TXNL1: variants seen among roughly 807,000 people sequenced by gnomAD.
TXNL1 encodes the protein thioredoxin-like protein 1.
In TXNL1, 14 loss-of-function variants were observed where a neutral mutation model predicts 35.5. The observed-to-expected ratio is 0.39, with a 90% CI of 0.26 to 0.62. The LOEUF (loss-of-function observed/expected upper bound fraction) is 0.62. Among genes scored for constraint, TXNL1 ranks in the 20% least tolerant of loss-of-function variants. The pLI, the probability that TXNL1 is intolerant of heterozygous loss-of-function variation, is 0.47. For synonymous variants in TXNL1, 110 were observed against 115.5 expected, an observed-to-expected ratio of 0.95 and a Z score of 0.31; for missense variants, 263 against 349.7, an observed-to-expected ratio of 0.75 and a Z score of 1.98.
In TXNL1 at chr18:56,614,298, T is replaced by C. The variant is rs149961524; in HGVS notation, c.735+126A>G. On this transcript the variant is annotated intron_variant, in intron 6 of 7. Transcript: ENST00000217515. ...AGAAGAAAATTTATCCCATTAAACATTTTACTCATTTCAAACTGAGTGAAT... is the reference window on the plus strand; with the variant it reads ...AGAAGAAAATTTATCCCATTAAACACTTTACTCATTTCAAACTGAGTGAAT... 751 of 767,248 alleles carry C rather than the reference T, an allele frequency of 9.8e-4. 8 individuals are homozygous for C. In the African/African-American group the frequency reaches 0.012, roughly 13 times the overall value. 47.5% of individuals were successfully genotyped at this position (767,248 alleles called of 1,614,324 possible).
Position 56,638,400 on chromosome 18 carries a change from T to TG in TXNL1, c.40dup (p.Gln14ProfsTer36). On this transcript the variant is annotated frameshift_variant, in exon 1 of 8. Transcript: ENST00000217515. LOFTEE classifies it high-confidence loss of function. The stretch of plus-strand genomic sequence containing the variant: ...GGAGCCCGCGCCGCTCAGCTCTGGC[T>TG]GGAAATCCGGGTCGCTCCCGACGGG... 1 of 1,613,584 alleles carries TG rather than the reference T, an allele frequency of 6.2e-7. No individual in the cohort carries two copies. The highest frequency in any genetic ancestry group is 8.5e-7 in the Non-Finnish European group (1 of 1,179,748).
rs766466752 is a variant in TXNL1, at chr18:56,638,470, G to A, written c.-30C>T. On this transcript the variant is annotated 5_prime_UTR_variant, in exon 1 of 8. Coordinates refer to ENST00000217515, the MANE Select transcript of TXNL1 (RefSeq NM_004786.3). ...ACAGAGAGCCCGGCAGGGTGGCCGC[G>A]ACGCCACTGGCTTTGAAACTGAAGG... 2 of 1,598,574 alleles carry A rather than the reference G, an allele frequency of 1.3e-6. No homozygotes were observed. Among genetic ancestry groups the A allele is most frequent in the East Asian group, 4.5e-5 (2 of 44,450 alleles).
rs1419790297 is a variant in TXNL1 at position 56,614,577 on chromosome 18, T to A, written c.582A>T (p.Val194=). The change falls in exon 6 of 8, where the codon GTA becomes GTT. Residue 194 remains valine (V), a synonymous_variant. Transcript: ENST00000217515. ...GPDNGQGPKY[V]KIFINLPRSM... is the part of the protein sequence containing the mutation. ...ATCGGGGTAGGTTGATAAAAATTTT[T>A]ACATATTTAGGGCCCTGACCTATAC... 1.1e-5 allele frequency: 18 copies of A among 1,613,364 alleles called. No individual in the cohort carries two copies. Among genetic ancestry groups the A allele is most frequent in the Admixed American group, 6.7e-5 (4 of 59,956 alleles).
At chr18:56,609,637 A>G (rs1375122776) in intron 7 of TXNL1, 1 of 152,250 alleles carries the variant, frequency 6.6e-6, no homozygotes, top group African/African-American at 2.4e-5. Flanking sequence ...AGTTAAGAAT[A>G]AACCACACAA....
At chr18:56,631,824 G>A (rs2024376403) in intron 1 of TXNL1, among the ~76,000 whole-genome samples, 1 of 151,756 alleles carries the variant, frequency 6.6e-6, no homozygotes, top group Admixed American at 6.6e-5. Flanking sequence ...GGAGGCTGAG[G>A]CAGGAGAATC....
At chr18:56,607,481 C>T (rs187155312) in intron 7 of TXNL1, among the ~76,000 whole-genome samples, 106 of 152,010 alleles carry the variant, frequency 7.0e-4, no homozygotes, top group Admixed American at 6.4e-3. Context: ...TCTTACTGTG[C>T]CTAATTTATA....
At chr18:56,616,345 C>T in intron 4 of TXNL1, 31 bp from the exon 5 acceptor site, 2 of 1,581,160 alleles carry the variant, frequency 1.3e-6, no homozygotes, top group South Asian at 1.1e-5. Flanking sequence ...TTTTAAAGGG[C>T]TCTTGTACAC....
At chr18:56,638,175 T>C (rs1054694491) in intron 1 of TXNL1, among the ~76,000 whole-genome samples, 168 bp downstream of exon 1, 10 of 152,152 alleles carry the variant, frequency 6.6e-5, no homozygotes, top group Admixed American at 4.6e-4. Flanking sequence ...TGTGCATAAA[T>C]GGGGGTTCAC....
At chr18:56,607,637 A>C (rs1180730617) in intron 7 of TXNL1, among the ~76,000 whole-genome samples, 1 of 152,058 alleles carries the variant, frequency 6.6e-6, no homozygotes, top group African/African-American at 2.4e-5. Flanking sequence ...CAAGGAAGGC[A>C]GTGAGGTCAG....
chr18:56,620,900 G>GTT (rs2024168964), intron 3 of TXNL1, among the ~76,000 whole-genome samples: 2 of 152,170 alleles, frequency 1.3e-5, no homozygotes, highest in Non-Finnish European at 2.9e-5. Flanking sequence ...ATTACTCAGG[G>GTT]TAACGTATAG....
At chr18:56,605,661 C>CA (rs1384903188) in intron 7 of TXNL1, among the ~76,000 whole-genome samples, 1 of 152,102 alleles carries the variant, frequency 6.6e-6, no homozygotes, top group Non-Finnish European at 1.5e-5. Context: ...TGCTGCAACA[C>CA]AAAAAATCCA....
At chr18:56,636,580 T>A (rs1461647120) in intron 1 of TXNL1, among the ~76,000 whole-genome samples, 1 of 152,106 alleles carries the variant, frequency 6.6e-6, no homozygotes, top group Non-Finnish European at 1.5e-5. Context: ...AAAAAAATTT[T>A]AATTCCACTA....
chr18:56,606,151 G>T (rs522688), intron 7 of TXNL1, among the ~76,000 whole-genome samples: 14,687 of 152,146 alleles, frequency 0.097, 863 homozygotes, highest in Non-Finnish European at 0.13. Flanking sequence ...CCAGGCGGGC[G>T]GATCAACGAG....
At chr18:56,625,967 G>T (rs756364946) in intron 2 of TXNL1, among the ~76,000 whole-genome samples, 2 of 152,128 alleles carry the variant, frequency 1.3e-5, no homozygotes, top group Non-Finnish European at 1.5e-5. Flanking sequence ...TGTCCATTTG[G>T]AGATAAGATA....
chr18:56,631,893 C>T (rs527765109), intron 1 of TXNL1, among the ~76,000 whole-genome samples: 2 of 148,622 alleles, frequency 1.3e-5, no homozygotes, highest in South Asian at 4.2e-4. Context: ...GAACTCTAGC[C>T]TAGGCAAAAA....
chr18:56,615,003 G>A (rs1267201162), intron 5 of TXNL1, among the ~76,000 whole-genome samples: 1 of 152,320 alleles, frequency 6.6e-6, no homozygotes, highest in East Asian at 1.9e-4. Context: ...AATAGCATTT[G>A]AGCTAGATCT....
At chr18:56,610,858 A>AGCCTT (rs1307929501) in intron 7 of TXNL1, 135 bp downstream of exon 7, 1 of 563,316 alleles carries the variant, frequency 1.8e-6, no homozygotes, top group Non-Finnish European at 3.0e-6. Flanking sequence ...ATCCTAGTTT[A>AGCCTT]GCCTTGTAAA....
chr18:56,621,814 A>T (rs928496229), intron 3 of TXNL1, among the ~76,000 whole-genome samples: 3 of 151,976 alleles, frequency 2.0e-5, no homozygotes, highest in African/African-American at 7.2e-5. Context: ...AGCCTGGCCA[A>T]CATGGTGAAA....
At chr18:56,623,826 C>A in intron 3 of TXNL1, among the ~76,000 whole-genome samples, 1 of 148,834 alleles carries the variant, frequency 6.7e-6, no homozygotes, top group African/African-American at 2.5e-5. Flanking sequence ...AATACAGTGC[C>A]AGAAAAGAGG....
Sources: gnomAD v4.1 joint callset for allele counts (sites outside exome capture counted in the v4.1 genomes callset) on GRCh38, gnomAD v4.1.1 for gene constraint, MANE v1.5 for transcripts, NCBI Gene and HGNC (gene_info 2026-07-23, HGNC 2026-07-21) for gene names.